The following POTEE variants were observed in gnomAD, a reference collection of about 807,000 sequenced individuals.
POTEE encodes the protein POTE ankyrin domain family member E, also known as ANKRD26-like family C member 1A.
A neutral mutation model predicts 74.2 loss-of-function variants in POTEE; 21 were observed. The observed-to-expected ratio is 0.28, with a 90% CI of 0.20 to 0.41. The LOEUF (loss-of-function observed/expected upper bound fraction) is 0.41. POTEE is among the 10% of genes least tolerant of loss of function. The pLI, the probability that POTEE is intolerant of heterozygous loss-of-function variation, is 1.00. For synonymous variants in POTEE, 211 were observed against 432.8 expected (o/e 0.49, Z 6.36); for missense variants, 525 against 1,158.6 (o/e 0.45, Z 7.94).
intron 8 of POTEE, chr2:131,229,624 A>G (rs1287329056): frequency 6.6e-6 from 1 of 152,224 alleles, no homozygotes; most frequent in East Asian, 1.9e-4. Context: ...CTTCGGCGGC[A>G]CATATCCTAA....
rs1315214123 is a variant in POTEE, at chr2:131,217,620, CT to C, written c.-156del. On this transcript the variant is annotated 5_prime_UTR_variant, in exon 3 of 18. Coordinates refer to ENST00000683005, the MANE Select transcript of POTEE (RefSeq NM_001083538.3). ...CTCAGTGGCTTGAAAGCTCAGCTGA[CT>C]CCCACGAAGTTTGCCGGAACTCAAG... is the stretch of plus-strand genomic sequence containing the variant. 6.8e-6 allele frequency among the ~76,000 whole-genome samples: 1 copy of C among 147,324 alleles called. No homozygotes were observed. Among genetic ancestry groups the C allele is most frequent in the Non-Finnish European group, 1.5e-5 (1 of 66,520 alleles).
At chr2:131,211,513 G>A (rs1700356482) in intron 2 of POTEE, among the ~76,000 whole-genome samples, 1 of 39,326 alleles carries the variant, frequency 2.5e-5, no homozygotes, top group Non-Finnish European at 6.6e-5. Flanking sequence ...CAAAATTTAG[G>A]GGGTGACTGT....
intron 2 of POTEE, among the ~76,000 whole-genome samples, chr2:131,215,538 G>C (rs866076120): frequency 5.0e-4 from 76 of 150,998 alleles, no homozygotes; most frequent in African/African-American, 1.7e-3. Flanking sequence ...ATCACCTTTG[G>C]TCAACTCTTG....
rs201486994 is a variant in POTEE, at chr2:131,218,873, C to G, written c.471C>G (p.Leu157=). ...GGGGTAAAGTCCCCAGAAAGGATCT[C>G]ATCGTCATGCTCAGGGACACTGACG... ...AWWGKVPRKD[L]IVMLRDTDVN... The change falls in exon 4 of 18, where the codon CTC becomes CTG. Residue 157 remains leucine (L), a synonymous_variant. Coordinates refer to ENST00000683005, the MANE Select transcript of POTEE (RefSeq NM_001083538.3). The G allele has an allele frequency of 4.4e-3, 7,167 of 1,612,080 alleles. 7 individuals are homozygous for G. The highest frequency in any genetic ancestry group is 5.2e-3 in the Non-Finnish European group (6,130 of 1,178,986).
At chr2:131,214,837 C>G (rs1003400356) in intron 2 of POTEE, among the ~76,000 whole-genome samples, 8 of 149,956 alleles carry the variant, frequency 5.3e-5, no homozygotes, top group African/African-American at 1.9e-4. Context: ...CGTTAGATTT[C>G]TAGGTAAGGT....
intron 8 of POTEE, among the ~76,000 whole-genome samples, chr2:131,230,368 T>C (rs1700913208): frequency 6.6e-6 from 1 of 152,160 alleles, no homozygotes; most frequent in African/African-American, 2.4e-5. Flanking sequence ...AGTCATAAAG[T>C]TTAGGAACAG....
intron 8 of POTEE, among the ~76,000 whole-genome samples, chr2:131,230,300 A>G (rs1456831803): frequency 1.3e-5 from 2 of 152,232 alleles, no homozygotes; most frequent in African/African-American, 2.4e-5. Context: ...ACATTTGTAT[A>G]TTAGAACCTA....
chr2:131,233,502 A>T (rs1363877288), intron 9 of POTEE, among the ~76,000 whole-genome samples: 1 of 151,886 alleles, frequency 6.6e-6, no homozygotes, highest in African/African-American at 2.4e-5. Flanking sequence ...TTTCCTTGTC[A>T]TACATCCTTG....
intron 10 of POTEE, among the ~76,000 whole-genome samples, chr2:131,237,595 C>T (rs1303442294): frequency 6.6e-6 from 1 of 151,230 alleles, no homozygotes. Context: ...TGGACTTACG[C>T]AGATAATCTG....
intron 3 of POTEE, among the ~76,000 whole-genome samples, 53 bp downstream of exon 3, chr2:131,217,736 A>C (rs998768249): frequency 6.7e-6 from 1 of 148,994 alleles, no homozygotes; most frequent in Non-Finnish European, 1.5e-5. Flanking sequence ...ACGCCACCTG[A>C]GATAAGCACG....
chr2:131,233,158 A>G (rs1701016248), intron 9 of POTEE, among the ~76,000 whole-genome samples: 1 of 152,168 alleles, frequency 6.6e-6, no homozygotes, highest in Non-Finnish European at 1.5e-5. Context: ...CAGGGGAGTC[A>G]TAAGATTAAA....
At chr2:131,235,484 T>C (rs1701100937) in intron 9 of POTEE, among the ~76,000 whole-genome samples, 1 of 151,988 alleles carries the variant, frequency 6.6e-6, no homozygotes, top group South Asian at 2.1e-4. Context: ...GAAGACGTTC[T>C]CATAGCATTG....
At position 131,218,528 on chromosome 2, in the gene POTEE, C is replaced by T. The variant is rs558466498; in HGVS notation, c.126C>T (p.Asn42=). The part of the protein sequence containing the change: ...FPCYRESGKS[N]VGTSGDHDDS... ...GCTACAGGGAGAGCGGCAAGAGCAA[C>T]GTGGGCACTTCTGGAGACCACGACG... is the stretch of plus-strand genomic sequence containing the variant. The change falls in exon 4 of 18, where the codon AAC becomes AAT. Residue 42 remains asparagine, a synonymous_variant. Transcript: ENST00000683005. The T allele has an allele frequency of 1.6e-5, 25 of 1,610,778 alleles. No individual in the cohort carries two copies. Among genetic ancestry groups the T allele is most frequent in the South Asian group, 3.3e-5 (3 of 90,936 alleles).
At chr2:131,262,408 G>T (rs1454788514) in intron 17 of POTEE, among the ~76,000 whole-genome samples, 2 of 130,514 alleles carry the variant, frequency 1.5e-5, no homozygotes, top group Admixed American at 8.5e-5. Context: ...TGGAGAAATA[G>T]TTCAGTATAT....
chr2:131,211,520 C>CTGTGTGTGTG lies in POTEE; in HGVS notation c.-189+348_-189+357dup, dbSNP rs369206786. On this transcript the variant is annotated intron_variant, in intron 2 of 17. Transcript: ENST00000683005. ...ATTCTTAACAAAATTTAGGGGGTGA[C>CTGTGTGTGTG]TGTGTGTGTGTGTGTGTGTGGCTTT... 3.3e-3 allele frequency among the ~76,000 whole-genome samples: 167 copies of CTGTGTGTGTG among 50,280 alleles called. 5 individuals are homozygous for CTGTGTGTGTG. The highest frequency in any genetic ancestry group is 6.1e-3 in the African/African-American group (106 of 17,326). 33.0% of individuals were successfully genotyped at this position (50,280 alleles called of 152,430 possible). A position where few individuals can be genotyped will look rare whatever the true frequency, so the allele number is the denominator to read the frequency against.
chr2:131,222,627 A>G (rs1193911625), intron 4 of POTEE, among the ~76,000 whole-genome samples: 4 of 152,330 alleles, frequency 2.6e-5, no homozygotes, highest in African/African-American at 9.6e-5. Context: ...GAGAAAATTT[A>G]TAACAGTCTT....
intron 9 of POTEE, among the ~76,000 whole-genome samples, chr2:131,236,354 C>G (rs1225193864): frequency 6.6e-6 from 1 of 152,068 alleles, no homozygotes; most frequent in African/African-American, 2.4e-5. Flanking sequence ...TCCTTAGAGT[C>G]AGACTAGCTA....
rs1019832611 is a variant in POTEE, at chr2:131,217,699, C to T, written c.-94+16C>T. Among the ~76,000 whole-genome samples, 34 of 150,738 alleles carry T rather than the reference C, an allele frequency of 2.3e-4. No homozygotes were observed. Among genetic ancestry groups the T allele is most frequent in the East Asian group, 6.0e-4 (3 of 5,034 alleles). On this transcript the variant is annotated intron_variant, in intron 3 of 17. Coordinates refer to ENST00000683005, the MANE Select transcript of POTEE (RefSeq NM_001083538.3). Reference sequence around the variant, plus strand: ...ACTTAAGCAGGCGCGTTGCATGCATCGGCCAGTGTCTGTGCCACGTGCCCT... The same window carrying T: ...ACTTAAGCAGGCGCGTTGCATGCATTGGCCAGTGTCTGTGCCACGTGCCCT...
At chr2:131,233,005 T>C (rs1442608892) in intron 9 of POTEE, among the ~76,000 whole-genome samples, 2 of 151,978 alleles carry the variant, frequency 1.3e-5, no homozygotes, top group Non-Finnish European at 2.9e-5. Context: ...AGAATAATCA[T>C]TTCTGTTTCT....
Sources: gnomAD v4.1 joint callset for allele counts (sites outside exome capture counted in the v4.1 genomes callset) on GRCh38, gnomAD v4.1.1 for gene constraint, MANE v1.5 for transcripts, NCBI Gene and HGNC (gene_info 2026-07-23, HGNC 2026-07-21) for gene names.